DAD1: variants seen among roughly 807,000 people sequenced by gnomAD.
The protein encoded by DAD1 is dolichyl-diphosphooligosaccharide--protein glycosyltransferase subunit DAD1.
In DAD1, 4 loss-of-function variants were observed where a neutral mutation model predicts 9.0. That is an observed-to-expected ratio of 0.44 (90% CI 0.22 to 1.01). The LOEUF is 1.01. DAD1 is among the 50% of genes least tolerant of loss of function. The pLI is 0.24. For missense variants in DAD1, 119 were observed against 137.3 expected, an observed-to-expected ratio of 0.87 and a Z score of 0.67; for synonymous variants, 60 against 62.5, an observed-to-expected ratio of 0.96 and a Z score of 0.19.
chr14:22,577,542 G>C (rs2037085645), intron 1 of DAD1, among the ~76,000 whole-genome samples: 1 of 152,202 alleles, frequency 6.6e-6, no homozygotes, highest in Non-Finnish European at 1.5e-5. Context: ...CAGCCCAAGT[G>C]TCAGCAGAAG....
chr14:22,565,638 A>C (rs2036997871), intron 2 of DAD1, among the ~76,000 whole-genome samples: 1 of 152,216 alleles, frequency 6.6e-6, no homozygotes, highest in Non-Finnish European at 1.5e-5. Flanking sequence ...TATAAGAAAT[A>C]ATTTAGTTTT....
Position 22,565,031 on chromosome 14 carries a change from C to A in DAD1, c.*151G>T. Reference sequence around the variant, plus strand: ...CACACAGTGAACTCTGGGCTTTTCTCCTGCATAAAAAGCAGAGCTAGCAGT... The same window carrying A: ...CACACAGTGAACTCTGGGCTTTTCTACTGCATAAAAAGCAGAGCTAGCAGT... On this transcript the variant is annotated 3_prime_UTR_variant, in exon 3 of 3. Transcript: ENST00000250498. 1.5e-6 allele frequency: 1 copy of A among 688,212 alleles called. No homozygotes were observed. Among genetic ancestry groups the A allele is most frequent in the Non-Finnish European group, 2.6e-6 (1 of 378,546 alleles). The allele number at this position is 688,212 out of a possible 1,614,324, so 42.6% of individuals were successfully genotyped here. A position where few individuals can be genotyped will look rare whatever the true frequency, so the allele number is the denominator to read the frequency against.
At chr14:22,571,033 A>C (rs925489507) in intron 2 of DAD1, among the ~76,000 whole-genome samples, 2 of 131,784 alleles carry the variant, frequency 1.5e-5, no homozygotes, top group African/African-American at 3.1e-5. Context: ...TTTAAAAAAG[A>C]GTTTCACAGG....
intron 2 of DAD1, among the ~76,000 whole-genome samples, chr14:22,570,522 A>C (rs1468247140): frequency 6.6e-6 from 1 of 152,120 alleles, no homozygotes; most frequent in Non-Finnish European, 1.5e-5. Context: ...TCAACTCCTC[A>C]TGTTTTGTAG....
intron 1 of DAD1, among the ~76,000 whole-genome samples, chr14:22,585,997 G>C (rs1255238104): frequency 3.9e-5 from 6 of 152,190 alleles, no homozygotes; most frequent in African/African-American, 1.4e-4. Context: ...ACGAGGTCAG[G>C]AGATCAAGAC....
intron 2 of DAD1, among the ~76,000 whole-genome samples, chr14:22,568,892 T>A (rs2037019121): frequency 6.6e-6 from 1 of 152,022 alleles, no homozygotes; most frequent in African/African-American, 2.4e-5. Flanking sequence ...AGAGACAAGG[T>A]CTTGCTATAT....
At chr14:22,582,426 AGGCAGGAGAAT>A (rs1485662487) in intron 1 of DAD1, among the ~76,000 whole-genome samples, 1 of 150,630 alleles carries the variant, frequency 6.6e-6, no homozygotes, top group East Asian at 2.0e-4. Flanking sequence ...CGGGAGGCTG[AGGCAGGAGAAT>A]GGCGTGAACC....
intron 2 of DAD1, chr14:22,567,115 A>G (rs529450482): frequency 2.6e-5 from 4 of 152,360 alleles, no homozygotes; most frequent in Admixed American, 6.5e-5. Flanking sequence ...ACTTCAGTCT[A>G]TTTCACCTGG....
In DAD1 at chr14:22,583,865, A is replaced by T. The variant is rs1791493709; in HGVS notation, c.211+5082T>A. ...TGATTCAGTGGTGAAAAGATGAAGG[A>T]ATTCTTATCTACTTCTTTTTTTTAG... On this transcript the variant is annotated intron_variant, in intron 1 of 2. Coordinates refer to ENST00000250498, the MANE Select transcript of DAD1 (RefSeq NM_001344.4). Among the ~76,000 whole-genome samples the T allele has an allele frequency of 2.0e-5, 3 of 152,112 alleles. No homozygotes were observed. In the South Asian group the frequency reaches 6.2e-4, roughly 32 times the overall value.
chr14:22,585,824 CAA>C (rs527960298), intron 1 of DAD1, among the ~76,000 whole-genome samples: 1 of 149,886 alleles, frequency 6.7e-6, no homozygotes, highest in Non-Finnish European at 1.5e-5. Context: ...AATAGACTGC[CAA>C]AAAAAAATAG....
intron 1 of DAD1, among the ~76,000 whole-genome samples, chr14:22,577,719 AAG>A (rs2139242224): frequency 6.6e-6 from 1 of 152,328 alleles, no homozygotes; most frequent in South Asian, 2.1e-4. Flanking sequence ...ATATGACATC[AAG>A]AGTAGTCAAA....
intron 2 of DAD1, among the ~76,000 whole-genome samples, chr14:22,568,988 C>T (rs981631589): frequency 5.3e-5 from 8 of 152,184 alleles, no homozygotes; most frequent in Non-Finnish European, 1.0e-4. Context: ...CCTAAGCCAC[C>T]GCACCAGCCC....
At position 22,575,177 on chromosome 14, in the gene DAD1, G is replaced by A; in HGVS notation, c.268C>T (p.Pro90Ser). 1 of 1,614,180 alleles carries A rather than the reference G, an allele frequency of 6.2e-7. No homozygotes were observed. The highest frequency in any genetic ancestry group is 1.1e-5 in the South Asian group (1 of 91,084). The change falls in exon 2 of 3, where the codon CCA becomes TCA. Residue 90 changes from proline (P) to serine (S), a missense_variant. Pro to Ser is a moderately conservative substitution (Grantham distance 74). Transcript: ENST00000250498. ...AGAAAATCAGCAAAGGCTCGCTCTG[G>A]GGAGATGCCTTGGAAATCCGCTTTG... ...QNKADFQGIS[P>S]ERAFADFLFA...
chr14:22,569,456 C>A (rs5742840), intron 2 of DAD1, among the ~76,000 whole-genome samples: 4 of 151,702 alleles, frequency 2.6e-5, no homozygotes, highest in Admixed American at 6.6e-5. Context: ...AAGGTTTATT[C>A]ATTCATACAC....
intron 1 of DAD1, among the ~76,000 whole-genome samples, chr14:22,580,465 C>T (rs1243284136): frequency 6.6e-6 from 1 of 151,572 alleles, no homozygotes; most frequent in African/African-American, 2.4e-5. Context: ...TAATGATATA[C>T]ATAATTATCT....
intron 1 of DAD1, among the ~76,000 whole-genome samples, chr14:22,580,294 C>G (rs1353945869): frequency 6.6e-6 from 1 of 151,946 alleles, no homozygotes; most frequent in Non-Finnish European, 1.5e-5. Context: ...GTAGCACACA[C>G]CTATGGCCCC....
intron 1 of DAD1, among the ~76,000 whole-genome samples, chr14:22,582,941 G>A (rs1851138645): frequency 6.6e-6 from 1 of 150,420 alleles, no homozygotes; most frequent in South Asian, 2.1e-4. Flanking sequence ...GGGAGATGGA[G>A]GTTGCAGTGA....
intron 2 of DAD1, among the ~76,000 whole-genome samples, chr14:22,568,452 C>A (rs187963072): frequency 3.3e-4 from 50 of 152,252 alleles, no homozygotes; most frequent in African/African-American, 1.2e-3. Flanking sequence ...GAATAAAAAG[C>A]AACGATTAAG....
chr14:22,579,840 C>CTTTTTTT (rs34081969), intron 1 of DAD1, among the ~76,000 whole-genome samples: 1 of 129,242 alleles, frequency 7.7e-6, no homozygotes, highest in African/African-American at 3.0e-5. Context: ...AAAGCCAATC[C>CTTTTTTT]TTTTTTTTTT....
Sources: gnomAD v4.1 joint callset for allele counts (sites outside exome capture counted in the v4.1 genomes callset) on GRCh38, gnomAD v4.1.1 for gene constraint, MANE v1.5 for transcripts, NCBI Gene and HGNC (gene_info 2026-07-23, HGNC 2026-07-21) for gene names.